The following DNAJB6 variants were observed in gnomAD, a reference collection of about 807,000 sequenced individuals.
The protein encoded by DNAJB6 is DnaJ heat shock protein family (Hsp40) member B6, also known as dnaJ homolog subfamily B member 6.
DNAJB6 carries 16 observed loss-of-function variants against 42.7 expected under a neutral mutation model. The observed-to-expected ratio is 0.37, with a 90% confidence interval of 0.25 to 0.57. The LOEUF (loss-of-function observed/expected upper bound fraction) is 0.57. DNAJB6 is among the 20% of genes least tolerant of loss of function. The pLI, the probability that DNAJB6 is intolerant of heterozygous loss-of-function variation, is 0.74. For synonymous variants in DNAJB6, 170 were observed against 163.5 expected (o/e 1.04, Z -0.30); for missense variants, 347 against 416.8 (o/e 0.83, Z 1.46).
intron 9 of DNAJB6, chr7:157,410,371 G>T (rs1795930915): frequency 4.9e-6 from 2 of 409,602 alleles, no homozygotes; most frequent in Non-Finnish European, 4.3e-6. Flanking sequence ...TCTCGTGCTG[G>T]TGGGGTCTGC....
At chr7:157,404,137 TTTC>T (rs2117185066) in intron 8 of DNAJB6, among the ~76,000 whole-genome samples, 1 of 151,074 alleles carries the variant, frequency 6.6e-6, no homozygotes, top group Non-Finnish European at 1.5e-5. Flanking sequence ...TGGCTAATTT[TTTC>T]TTTTTTTTTG....
chr7:157,369,457 C>G (rs978145589), intron 5 of DNAJB6: 1 of 456,402 alleles, frequency 2.2e-6, no homozygotes, highest in African/African-American at 2.0e-5. Flanking sequence ...ACCATGGCTT[C>G]TCTTCTGGGG....
intron 3 of DNAJB6, among the ~76,000 whole-genome samples, chr7:157,363,662 G>A (rs1248191235): frequency 2.0e-5 from 3 of 152,140 alleles, no homozygotes; most frequent in African/African-American, 7.2e-5. Context: ...CCATTCCAGT[G>A]GAGTCAGCTT....
chr7:157,354,950 G>C (rs1256794261), intron 1 of DNAJB6, among the ~76,000 whole-genome samples: 2 of 152,142 alleles, frequency 1.3e-5, no homozygotes, highest in African/African-American at 4.8e-5. Flanking sequence ...GTTCTATTTA[G>C]GATGTCTGCT....
intron 5 of DNAJB6, chr7:157,379,803 G>GC (rs1563135327): frequency 7.6e-6 from 1 of 132,256 alleles, no homozygotes; most frequent in Non-Finnish European, 1.6e-5. Flanking sequence ...ATGCAGAAAT[G>GC]CCTTTTTTTT....
At chr7:157,393,194 C>T (rs1801429568) in intron 8 of DNAJB6, among the ~76,000 whole-genome samples, 2 of 151,970 alleles carry the variant, frequency 1.3e-5, no homozygotes, top group African/African-American at 2.4e-5. Context: ...CAGGCTGATC[C>T]CAAACTCCTG....
intron 8 of DNAJB6, among the ~76,000 whole-genome samples, chr7:157,395,772 C>T (rs553795805): frequency 1.0e-4 from 15 of 147,392 alleles, no homozygotes; most frequent in Non-Finnish European, 1.6e-4. Flanking sequence ...GCAACCTCTG[C>T]CTCCCTAGTA....
intron 1 of DNAJB6, among the ~76,000 whole-genome samples, chr7:157,346,570 AG>A (rs1168849494): frequency 6.6e-6 from 1 of 152,152 alleles, no homozygotes; most frequent in African/African-American, 2.4e-5. Context: ...GAGAGGTCTG[AG>A]GAAAAAAAAG....
intron 1 of DNAJB6, among the ~76,000 whole-genome samples, chr7:157,343,318 C>T (rs1798515444): frequency 6.6e-6 from 1 of 152,080 alleles, no homozygotes. Context: ...CACCACCATG[C>T]CTGGCTAATT....
rs141947451 is a variant in DNAJB6, at chr7:157,363,245, G to A, written c.150G>A (p.Ala50=). The A allele has an allele frequency of 1.2e-5, 20 of 1,610,596 alleles. No homozygotes were observed. The highest frequency in any genetic ancestry group is 2.2e-5 in the East Asian group (1 of 44,848). The change falls in exon 3 of 10, where the codon GCG becomes GCA. Residue 50 remains alanine, a synonymous_variant. Coordinates refer to ENST00000262177, the MANE Select transcript of DNAJB6 (RefSeq NM_058246.4). ...CAGAGAGAAAATTCAAGCAAGTAGC[G>A]GAGGCATATGAAGTGCTGTCGGATG... The part of the protein sequence containing the change: ...EEAERKFKQV[A]EAYEVLSDAK...
intron 8 of DNAJB6, among the ~76,000 whole-genome samples, chr7:157,395,105 C>G (rs1039691650): frequency 2.5e-5 from 3 of 120,434 alleles, no homozygotes; most frequent in Non-Finnish European, 5.3e-5. Flanking sequence ...GCCGCGCCCC[C>G]CCACCTCCCA....
At chr7:157,400,584 C>G (rs1801815546) in intron 8 of DNAJB6, among the ~76,000 whole-genome samples, 1 of 152,252 alleles carries the variant, frequency 6.6e-6, no homozygotes, top group Non-Finnish European at 1.5e-5. Flanking sequence ...GTTCTTGGCT[C>G]TGGAATTACC....
In DNAJB6 at chr7:157,409,965, G is replaced by T. The variant is rs371808471; in HGVS notation, c.862G>T (p.Ala288Ser). The stretch of plus-strand genomic sequence containing the variant: ...GGAGGGCGAGCAGGACCGACCTCGG[G>T]CACCCGGGCCCTGGGACCCCCTCGC... ...EEEGEQDRPR[A>S]PGPWDPLASA... is the part of the protein sequence containing the mutation. Residue 288 changes from alanine to serine, a missense_variant, in exon 9 of 10, where the codon GCA (alanine) becomes TCA (serine). By Grantham distance (99) the Ala-to-Ser change is moderately conservative. Around this residue, in one of 3 missense-constraint regions of DNAJB6, gnomAD observed 264 missense variants for 288.0 expected, o/e 0.92. Transcript: ENST00000262177. The T allele has an allele frequency of 6.5e-7, 1 of 1,535,694 alleles. No individual in the cohort carries two copies. The highest frequency in any genetic ancestry group is 8.7e-7 in the Non-Finnish European group (1 of 1,144,530).
In DNAJB6 at chr7:157,416,237, ACGGATCAGT is replaced by A. The variant is rs1372879138; in HGVS notation, c.*141_*149del. ...ACTCGCTCGGCAGGATTATGCGATC[ACGGATCAGT>A]CAGAGCAGGGTCAGGAGACGGGGCT... On this transcript the variant is annotated 3_prime_UTR_variant, in exon 10 of 10. Coordinates refer to ENST00000262177, the MANE Select transcript of DNAJB6 (RefSeq NM_058246.4). 135 of 1,381,962 alleles carry A rather than the reference ACGGATCAGT, an allele frequency of 9.8e-5. 1 individual carries two copies. In the African/African-American group the frequency reaches 1.6e-3, roughly 16 times the overall value. The allele number at this position is 1,381,962 out of a possible 1,614,324, so 85.6% of individuals were successfully genotyped here.
chr7:157,361,075 T>A (rs1401997143), intron 2 of DNAJB6, among the ~76,000 whole-genome samples: 2 of 152,188 alleles, frequency 1.3e-5, no homozygotes, highest in African/African-American at 4.8e-5. Context: ...ACACTAATCA[T>A]TTTTTCTCTT....
chr7:157,410,432 C>T lies in DNAJB6; in HGVS notation c.898+431C>T, dbSNP rs529252063. ...TCACCTTCTCGTGCCTTCTTCTGCG[C>T]TGGGTGCAGAACAAAAGACCCCCTC... On this transcript the variant is annotated intron_variant, in intron 9 of 9. Coordinates refer to ENST00000262177, the MANE Select transcript of DNAJB6 (RefSeq NM_058246.4). 11 of 307,578 alleles carry T rather than the reference C, an allele frequency of 3.6e-5. No individual in the cohort carries two copies. In the East Asian group the frequency reaches 5.8e-4, roughly 16 times the overall value. 19.1% of individuals were successfully genotyped at this position (307,578 alleles called of 1,614,324 possible).
intron 5 of DNAJB6, among the ~76,000 whole-genome samples, chr7:157,377,128 TTTCAGACC>T (rs1331200099): frequency 6.6e-6 from 1 of 152,188 alleles, no homozygotes; most frequent in Admixed American, 6.6e-5. Flanking sequence ...AATGTTTCCT[TTTCAGACC>T]TTTAACATGT....
intron 5 of DNAJB6, chr7:157,369,415 A>C: frequency 2.2e-6 from 1 of 456,596 alleles, no homozygotes; most frequent in Non-Finnish European, 4.4e-6. Context: ...TCTCATGGTG[A>C]CCAAGCGAGG....
At chr7:157,375,908 C>T (rs1051138735) in intron 5 of DNAJB6, among the ~76,000 whole-genome samples, 11 of 152,144 alleles carry the variant, frequency 7.2e-5, no homozygotes, top group African/African-American at 2.4e-4. Context: ...TTGAAATAGC[C>T]ATGGTGCTTT....
Sources: allele counts gnomAD v4.1 joint callset (sites outside exome capture counted in the v4.1 genomes callset), GRCh38; gene constraint gnomAD v4.1.1; regional missense constraint gnomAD v4.1.1; transcripts MANE v1.5; gene names NCBI Gene and HGNC (gene_info 2026-07-23, HGNC 2026-07-21).